The following TRPC4 variants were observed in gnomAD, a reference collection of about 807,000 sequenced individuals.
The protein encoded by TRPC4 is transient receptor potential cation channel subfamily C member 4.
A neutral mutation model predicts 99.4 loss-of-function variants in TRPC4; 49 were observed. The observed-to-expected ratio is 0.49, with a 90% CI of 0.39 to 0.63. The LOEUF is 0.63. Among genes scored for constraint, TRPC4 ranks in the 20% least tolerant of loss-of-function variants. The probability of loss-of-function intolerance (pLI) is 0.00; values close to 1 mark genes in which losing one functional copy is unlikely to be tolerated. For synonymous variants in TRPC4, 454 were observed against 425.9 expected (o/e 1.07, Z -0.81); for missense variants, 898 against 1,152.9 (o/e 0.78, Z 3.20).
intron 1 of TRPC4, among the ~76,000 whole-genome samples, chr13:37,838,432 A>C (rs1958631037): frequency 2.0e-5 from 3 of 152,206 alleles, no homozygotes; most frequent in Admixed American, 2.0e-4. Context: ...AAAAACAGAC[A>C]CACTGAAGTA....
chr13:37,649,978 T>A (rs1951986798), intron 8 of TRPC4, among the ~76,000 whole-genome samples: 1 of 152,128 alleles, frequency 6.6e-6, no homozygotes, highest in African/African-American at 2.4e-5. Flanking sequence ...GGTAATAGTT[T>A]ATGGGAAAGA....
chr13:37,706,209 G>A (rs1217101154), intron 3 of TRPC4, among the ~76,000 whole-genome samples: 1 of 152,168 alleles, frequency 6.6e-6, no homozygotes, highest in Admixed American at 6.6e-5. Flanking sequence ...GCTGAACATA[G>A]CAGAAGGCTT....
At chr13:37,715,232 T>C (rs1954619675) in intron 3 of TRPC4, among the ~76,000 whole-genome samples, 1 of 152,148 alleles carries the variant, frequency 6.6e-6, no homozygotes, top group Admixed American at 6.5e-5. Context: ...CACGTGATAT[T>C]GCCAAAGCCA....
intron 7 of TRPC4, among the ~76,000 whole-genome samples, 161 bp downstream of exon 7, chr13:37,654,927 G>A (rs184452091): frequency 1.3e-5 from 2 of 152,248 alleles, no homozygotes; most frequent in East Asian, 3.9e-4. Flanking sequence ...TACATATAGT[G>A]TGCTACTGCT....
intron 1 of TRPC4, among the ~76,000 whole-genome samples, chr13:37,785,956 C>CA (rs1956959774): frequency 6.6e-6 from 1 of 151,596 alleles, no homozygotes; most frequent in African/African-American, 2.4e-5. Flanking sequence ...TTACACTACA[C>CA]AAAAAAAGAG....
intron 1 of TRPC4, among the ~76,000 whole-genome samples, chr13:37,867,015 C>A (rs17056742): frequency 6.9e-6 from 1 of 144,306 alleles, no homozygotes; most frequent in Non-Finnish European, 1.5e-5. Flanking sequence ...AATTCAATTT[C>A]TAAAGTCAAA....
chr13:37,637,245 G>T lies in TRPC4; in HGVS notation c.2592C>A (p.Ile864=). The T allele has an allele frequency of 6.2e-7, 1 of 1,613,890 alleles. No individual in the cohort carries two copies. The change falls in exon 11 of 11, where the codon ATC becomes ATA. Residue 864 remains isoleucine, a synonymous_variant. Coordinates refer to ENST00000379705, the MANE Select transcript of TRPC4 (RefSeq NM_016179.4). ...GAGCAACTTCTTCTGAAACAGAGAAGATTTGGTTTGCATTTTGCTCAGCAG... is the reference window on the plus strand; with the variant it reads ...GAGCAACTTCTTCTGAAACAGAGAATATTTGGTTTGCATTTTGCTCAGCAG... The part of the protein sequence containing the change: ...QNAAEQNANQ[I]FSVSEEVARQ...
chr13:37,798,722 C>T (rs1228572706), intron 1 of TRPC4, among the ~76,000 whole-genome samples: 1 of 152,076 alleles, frequency 6.6e-6, no homozygotes, highest in African/African-American at 2.4e-5. Context: ...CTCATTACAA[C>T]CTGCTGAAAC....
intron 1 of TRPC4, among the ~76,000 whole-genome samples, chr13:37,801,805 T>C (rs941931209): frequency 7.2e-6 from 1 of 139,346 alleles, no homozygotes; most frequent in African/African-American, 2.5e-5. Context: ...TCAAAAAGGC[T>C]CACAGATAGG....
chr13:37,648,364 T>G (rs1459029841), intron 8 of TRPC4, among the ~76,000 whole-genome samples: 1 of 152,178 alleles, frequency 6.6e-6, no homozygotes, highest in Non-Finnish European at 1.5e-5. Context: ...GTCCTTTTCA[T>G]TTTGGAAATG....
intron 1 of TRPC4, among the ~76,000 whole-genome samples, chr13:37,841,960 C>T (rs1958740744): frequency 6.6e-6 from 1 of 151,836 alleles, no homozygotes; most frequent in Admixed American, 6.6e-5. Context: ...ATTTATATTA[C>T]AGTCTCAAAA....
Position 37,842,378 on chromosome 13 carries a change from GA to G in TRPC4, c.-28+27216del, listed in dbSNP as rs1330859986. ...AAAAAAAAAAAAAAAAAAGGAAAAG[GA>G]AAAGTATAAATCGGGGGCAGATCTT... On this transcript the variant is annotated intron_variant, in intron 1 of 10. Coordinates refer to ENST00000379705, the MANE Select transcript of TRPC4 (RefSeq NM_016179.4). Among the ~76,000 whole-genome samples, 22 of 96,788 alleles carry G rather than the reference GA, an allele frequency of 2.3e-4. No individual in the cohort carries two copies. The South Asian group carries it at 7.2e-3, about 32-fold the overall frequency. 63.5% of individuals were successfully genotyped at this position (96,788 alleles called of 152,430 possible).
At chr13:37,850,310 T>A (rs1335316800) in intron 1 of TRPC4, among the ~76,000 whole-genome samples, 1 of 152,206 alleles carries the variant, frequency 6.6e-6, no homozygotes, top group African/African-American at 2.4e-5. Flanking sequence ...GTTAATAATG[T>A]TTTTGCTATT....
intron 3 of TRPC4, among the ~76,000 whole-genome samples, chr13:37,729,006 A>G (rs984632741): frequency 3.3e-5 from 5 of 152,150 alleles, no homozygotes; most frequent in African/African-American, 1.2e-4. Context: ...GACCCTTGCC[A>G]TACCAAAAAT....
intron 3 of TRPC4, among the ~76,000 whole-genome samples, chr13:37,712,250 C>A (rs1238568784): frequency 6.6e-6 from 1 of 152,078 alleles, no homozygotes; most frequent in Non-Finnish European, 1.5e-5. Context: ...CTGATGATCC[C>A]CACACTGCTT....
chr13:37,693,520 C>T (rs1232750792), intron 3 of TRPC4, among the ~76,000 whole-genome samples: 2 of 152,182 alleles, frequency 1.3e-5, no homozygotes, highest in Admixed American at 6.6e-5. Context: ...CCACCCAACT[C>T]CACATTTCCC....
chr13:37,797,806 G>A (rs1324520586), intron 1 of TRPC4, among the ~76,000 whole-genome samples: 1 of 152,134 alleles, frequency 6.6e-6, no homozygotes, highest in East Asian at 1.9e-4. Context: ...TTTGGGCAAA[G>A]GAATTTTGAC....
rs1351539555 is a variant in TRPC4 at position 37,633,688 on chromosome 13, G to C, written c.*3215C>G. Among the ~76,000 whole-genome samples, 1 of 152,046 alleles carries C rather than the reference G, an allele frequency of 6.6e-6. No homozygotes were observed. Among genetic ancestry groups the C allele is most frequent in the Non-Finnish European group, 1.5e-5 (1 of 67,984 alleles). ...TGTCTACGTCAAGGCAAGAAAGTGA[G>C]TATGTTTTTGCATTAGTTTAATTGC... is the stretch of plus-strand genomic sequence containing the variant. On this transcript the variant is annotated 3_prime_UTR_variant, in exon 11 of 11. Coordinates refer to ENST00000379705, the MANE Select transcript of TRPC4 (RefSeq NM_016179.4).
intron 3 of TRPC4, among the ~76,000 whole-genome samples, chr13:37,712,656 T>C (rs1350092476): frequency 1.3e-5 from 2 of 152,108 alleles, no homozygotes; most frequent in Admixed American, 6.6e-5. Flanking sequence ...AATTGGTCAG[T>C]TTTTATGTGG....
Sources: gnomAD v4.1 joint callset for allele counts (sites outside exome capture counted in the v4.1 genomes callset) on GRCh38, gnomAD v4.1.1 for gene constraint, MANE v1.5 for transcripts, NCBI Gene and HGNC (gene_info 2026-07-23, HGNC 2026-07-21) for gene names.